Variants in LRRC24 observed in about 807,000 individuals in gnomAD.
The protein encoded by LRRC24 is leucine rich repeat containing 24.
LRRC24 carries 19 observed loss-of-function variants against 15.3 expected under a neutral mutation model. That is an observed-to-expected ratio of 1.25 (90% CI 0.87 to 1.83). LRRC24 has a LOEUF of 1.83. Ranked by LOEUF, LRRC24 falls within the 40% of genes most tolerant of loss-of-function variation. LRRC24 has a pLI of 0.00. For missense variants in LRRC24, 914 were observed against 723.9 expected (o/e 1.26, Z -3.01); for synonymous variants, 469 against 359.6 (o/e 1.30, Z -3.44).
At chr8:144,525,226 G>C (rs1193738223) in intron 1 of LRRC24, 193 bp from the exon 2 acceptor site, 3 of 363,904 alleles carry the variant, frequency 8.2e-6, no homozygotes, top group Non-Finnish European at 1.5e-5. Flanking sequence ...AGAATTCCTG[G>C]TGTCCTCAGT....
At position 144,522,912 on chromosome 8, in the gene LRRC24, G is replaced by T; in HGVS notation, c.1105C>A (p.Pro369Thr). ...GGCGGCGGTTGCGCGGGCTGCTGCG[G>T]CTGCTGCCGGGACGCGTTGACCAGG... ...RLLVNASRQQ[P>T]QQPAQPPPPA... The change falls in exon 5 of 5, where the codon CCG (proline) becomes ACG (threonine). Residue 369 changes from proline (P) to threonine (T), a missense_variant. Pro to Thr is a conservative substitution (Grantham distance 38, BLOSUM62 -1). Coordinates refer to ENST00000529415, the MANE Select transcript of LRRC24 (RefSeq NM_001024678.4). The T allele has an allele frequency of 7.2e-7, 1 of 1,390,502 alleles. No homozygotes were observed. The allele number at this position is 1,390,502 out of a possible 1,614,324, so 86.1% of individuals were successfully genotyped here. A position where few individuals can be genotyped will look rare whatever the true frequency, so the allele number is the denominator to read the frequency against.
In LRRC24 at chr8:144,522,883, C is replaced by T; in HGVS notation, c.1134G>A (p.Pro378=). ...GCTCGCTGCCGGCGGGGCGGGCGGC[C>T]GGAGGCGGCGGTTGCGCGGGCTGCT... The part of the protein sequence containing the change: ...QPQQPAQPPP[P]AARPAGSEPR... The change falls in exon 5 of 5, where the codon CCG becomes CCA. Residue 378 remains proline, a synonymous_variant. Transcript: ENST00000529415. The T allele has an allele frequency of 1.6e-6, 2 of 1,269,102 alleles. No homozygotes were observed. Among genetic ancestry groups the T allele is most frequent in the Non-Finnish European group, 2.0e-6 (2 of 1,014,284 alleles). The allele number at this position is 1,269,102 out of a possible 1,614,324, so 78.6% of individuals were successfully genotyped here.
At chr8:144,524,784 C>T (rs1332789721) in intron 2 of LRRC24, 32 bp downstream of exon 2, 5 of 1,436,242 alleles carry the variant, frequency 3.5e-6, no homozygotes, top group East Asian at 2.6e-5. Flanking sequence ...CTGGGGGCAC[C>T]CCGTCCTCCC....
intron 1 of LRRC24, chr8:144,526,114 C>T (rs1197602139): frequency 6.6e-6 from 1 of 152,216 alleles, no homozygotes; most frequent in Admixed American, 6.5e-5. Context: ...ATCAGCTCTT[C>T]CTCCTTTCGA....
rs1816189205 is a variant in LRRC24 at position 144,523,045 on chromosome 8, G to A, written c.972C>T (p.Asp324=). The A allele has an allele frequency of 6.2e-7, 1 of 1,602,884 alleles. No individual in the cohort carries two copies. The highest frequency in any genetic ancestry group is 8.5e-7 in the Non-Finnish European group (1 of 1,176,558). ...LLGLGGHSAS[D]TGSGMLFLSN... ...TGAGGAAGAGCATGCCGCTGCCCGT[G>A]TCGGATGCCGAGTGTCCGCCCAGGC... Residue 324 remains aspartate (D), a synonymous_variant, in exon 5 of 5, where the codon GAC becomes GAT. Transcript: ENST00000529415.
intron 1 of LRRC24, chr8:144,525,948 G>C (rs1816344672): frequency 6.6e-6 from 1 of 152,198 alleles, no homozygotes; most frequent in South Asian, 2.1e-4. Flanking sequence ...AAAGAAATGG[G>C]AAGGCTGGGG....
Position 144,522,561 on chromosome 8 carries a change from C to G in LRRC24, c.1456G>C (p.Glu486Gln). The G allele has an allele frequency of 1.9e-6, 3 of 1,546,340 alleles. No homozygotes were observed. The highest frequency in any genetic ancestry group is 2.6e-6 in the Non-Finnish European group (3 of 1,148,670). The change falls in exon 5 of 5, where the codon GAG (glutamate) becomes CAG (glutamine). Residue 486 changes from glutamate to glutamine, a missense_variant. Coordinates refer to ENST00000529415, the MANE Select transcript of LRRC24 (RefSeq NM_001024678.4). ...SKPLFAEGPAEAPADCGPEQG... is the reference protein window; with the variant it reads ...SKPLFAEGPAQAPADCGPEQG... The stretch of plus-strand genomic sequence containing the variant: ...TCCGGGCCGCAGTCAGCGGGCGCCT[C>G]CGCCGGACCCTCGGCGAAGAGCGGC...
Position 144,523,231 on chromosome 8 carries a change from G to C in LRRC24, c.786C>G (p.Val262=). The change falls in exon 5 of 5, where the codon GTC becomes GTG. Residue 262 remains valine, a synonymous_variant. Coordinates refer to ENST00000529415, the MANE Select transcript of LRRC24 (RefSeq NM_001024678.4). ...CTGTGAGCTCCAGCGGCTGCACGTG[G>C]ACAGAGGGCGGAATGCAGATGAGGC... The part of the protein sequence containing the change: ...HSSLICIPPS[V]HVQPLELTAN... The C allele has an allele frequency of 6.2e-7, 1 of 1,610,128 alleles. No individual in the cohort carries two copies. The highest frequency in any genetic ancestry group is 1.3e-5 in the African/African-American group (1 of 75,026).
intron 4 of LRRC24, chr8:144,523,877 A>G (rs1258781672): frequency 4.4e-5 from 25 of 564,942 alleles, no homozygotes; most frequent in South Asian, 1.2e-4. Context: ...AGAACCCTCA[A>G]TTCTGTTAAG....
intron 4 of LRRC24, chr8:144,523,845 T>A: frequency 2.0e-6 from 1 of 489,828 alleles, no homozygotes; most frequent in Non-Finnish European, 3.6e-6. Context: ...TTTGTCTGCC[T>A]CCCCTCAGCC....
intron 4 of LRRC24, 126 bp downstream of exon 4, chr8:144,523,984 C>T (rs1586855550): frequency 1.8e-6 from 2 of 1,124,842 alleles, no homozygotes; most frequent in Non-Finnish European, 2.5e-6. Context: ...AGTGTGGCTG[C>T]AGGCGGTGGT....
At chr8:144,525,352 T>C (rs1816324656) in intron 1 of LRRC24, among the ~76,000 whole-genome samples, 1 of 152,200 alleles carries the variant, frequency 6.6e-6, no homozygotes, top group South Asian at 2.1e-4. Flanking sequence ...GTGTGTCGCT[T>C]GCTGCCCCCG....
At position 144,524,225 on chromosome 8, in the gene LRRC24, C is replaced by G. The variant is rs1432456984; in HGVS notation, c.492G>C (p.Gln164His). The G allele has an allele frequency of 1.2e-6, 2 of 1,612,672 alleles. No homozygotes were observed. The highest frequency in any genetic ancestry group is 2.2e-5 in the South Asian group (2 of 91,086). Residue 164 changes from glutamine (Q) to histidine (H), a missense_variant, in exon 4 of 5, where the codon CAG becomes CAC. Physicochemically the swap from Gln to His is conservative, Grantham distance 24. Transcript: ENST00000529415. ...CTAGGGAGGACAGCCCCGCTAGAGC[C>G]TGGTCCTCCAGCAGCTCAATGCTGT... ...QENSIELLEDQALAGLSSLAL... is the reference protein window; with the variant it reads ...QENSIELLEDHALAGLSSLAL...
chr8:144,524,539 G>C lies in LRRC24; in HGVS notation c.340C>G (p.Arg114Gly), dbSNP rs760911024. The C allele has an allele frequency of 1.7e-5, 27 of 1,581,932 alleles. No individual in the cohort carries two copies. The Admixed American group carries it at 4.8e-4, about 28-fold the overall frequency. Residue 114 changes from arginine to glycine, a missense_variant, in exon 3 of 5, where the codon CGC (arginine) becomes GGC (glycine). Transcript: ENST00000529415. ...GCCAGGCCTACGAAGGCGCCGCTGC[G>C]CAAGCCGCGCAGCCGGTTGCTAGTG... is the stretch of plus-strand genomic sequence containing the variant. ...ALTSNRLRGL[R>G]SGAFVGLAQL...
rs1816131586 is a variant in LRRC24, at chr8:144,522,396, T to G, written c.*79A>C. On this transcript the variant is annotated 3_prime_UTR_variant, in exon 5 of 5. Transcript: ENST00000529415. Reference sequence around the variant, plus strand: ...CACGGCTCAGCGCACACTGCGCGGCTTCCACCTTTACTGACGGAGCATGCG... The same window carrying G: ...CACGGCTCAGCGCACACTGCGCGGCGTCCACCTTTACTGACGGAGCATGCG... The G allele has an allele frequency of 5.9e-6, 8 of 1,366,208 alleles. No individual in the cohort carries two copies. The South Asian group carries it at 1.4e-4, about 23-fold the overall frequency. The allele number at this position is 1,366,208 out of a possible 1,614,324, so 84.6% of individuals were successfully genotyped here. A position where few individuals can be genotyped will look rare whatever the true frequency, so the allele number is the denominator to read the frequency against.
At position 144,523,275 on chromosome 8, in the gene LRRC24, G is replaced by C. The variant is rs144944954; in HGVS notation, c.742C>G (p.Leu248Val). The change falls in exon 5 of 5, where the codon CTG becomes GTG. Residue 248 changes from leucine to valine, a missense_variant. Physicochemically the swap from Leu to Val is conservative, Grantham distance 32. Coordinates refer to ENST00000529415, the MANE Select transcript of LRRC24 (RefSeq NM_001024678.4). ...EPPRLALQSLLDVSHSSLICI... is the reference protein window; with the variant it reads ...EPPRLALQSLVDVSHSSLICI... ...ATGAGGCTGCTGTGGGATACGTCCA[G>C]GAGACTCTGGAGCGCCAGGCGCGGG... 6.2e-7 allele frequency: 1 copy of C among 1,610,898 alleles called. No homozygotes were observed. Among genetic ancestry groups the C allele is most frequent in the Non-Finnish European group, 8.5e-7 (1 of 1,179,172 alleles).
In LRRC24 at chr8:144,524,630, G is replaced by A. The variant is rs1333689835; in HGVS notation, c.249C>T (p.Asn83=). 5 of 1,522,492 alleles carry A rather than the reference G, an allele frequency of 3.3e-6. No individual in the cohort carries two copies. Among genetic ancestry groups the A allele is most frequent in the East Asian group, 5.0e-5 (2 of 40,178 alleles). 94.3% of individuals were successfully genotyped at this position (1,522,492 alleles called of 1,614,324 possible). A position where few individuals can be genotyped will look rare whatever the true frequency, so the allele number is the denominator to read the frequency against. The change falls in exon 3 of 5, where the codon AAC becomes AAT. Residue 83 remains asparagine, a synonymous_variant. Coordinates refer to ENST00000529415, the MANE Select transcript of LRRC24 (RefSeq NM_001024678.4). ...LAALRRLYLH[N]NSLRALEAGA... is the part of the protein sequence containing the mutation. Reference sequence around the variant, plus strand: ...CGGCCTCCAGGGCGCGCAGGCTGTTGTTGTGCAGGTAGAGCCGGCGCAGAG... The same window carrying A: ...CGGCCTCCAGGGCGCGCAGGCTGTTATTGTGCAGGTAGAGCCGGCGCAGAG...
intron 4 of LRRC24, chr8:144,523,733 C>T (rs1188125369): frequency 1.5e-5 from 6 of 413,092 alleles, no homozygotes; most frequent in South Asian, 5.7e-5. Flanking sequence ...ACATAGACAT[C>T]TCACCAGCAC....
rs1273211257 is a variant in LRRC24, at chr8:144,524,108, A to T, written c.607+2T>A. 9 of 1,596,046 alleles carry T rather than the reference A, an allele frequency of 5.6e-6. No homozygotes were observed. Among genetic ancestry groups the T allele is most frequent in the Non-Finnish European group, 7.7e-6 (9 of 1,167,566 alleles). On this transcript the variant is annotated splice_donor_variant, in intron 4 of 4. Coordinates refer to ENST00000529415, the MANE Select transcript of LRRC24 (RefSeq NM_001024678.4). LOFTEE classifies it high-confidence loss of function. ...CAGAGACGCTTTCCGAGGAAGAGGTACCTGTGAGGCGCAGGACTTGCAGAC... is the reference window on the plus strand; with the variant it reads ...CAGAGACGCTTTCCGAGGAAGAGGTTCCTGTGAGGCGCAGGACTTGCAGAC...
Sources: allele counts gnomAD v4.1 joint callset (sites outside exome capture counted in the v4.1 genomes callset), GRCh38; gene constraint gnomAD v4.1.1; transcripts MANE v1.5; gene names NCBI Gene and HGNC (gene_info 2026-07-23, HGNC 2026-07-21).